The following RIN2 variants were observed in gnomAD, a reference collection of about 807,000 sequenced individuals.
RIN2 encodes Ras and Rab interactor 2, also known as RAB5 interacting protein 2.
RIN2 carries 36 observed loss-of-function variants against 78.0 expected under a neutral mutation model. The ratio of observed to expected loss-of-function variants is 0.46; its 90% CI spans 0.35 to 0.61. The LOEUF (loss-of-function observed/expected upper bound fraction) is 0.61, where lower values mean the gene tolerates loss of function less well. Among genes scored for constraint, RIN2 ranks in the 20% least tolerant of loss-of-function variants. The probability of loss-of-function intolerance (pLI) is 0.00; values close to 1 mark genes in which losing one functional copy is unlikely to be tolerated. For missense variants in RIN2, 1,087 were observed against 1,159.7 expected (o/e 0.94, Z 0.91); for synonymous variants, 466 against 466.8 (o/e 1.00, Z 0.02).
At chr20:19,962,668 T>G (rs2041802988) in intron 6 of RIN2, among the ~76,000 whole-genome samples, 1 of 152,210 alleles carries the variant, frequency 6.6e-6, no homozygotes, top group African/African-American at 2.4e-5. Context: ...CCTGTTTATC[T>G]TCTCTGTGAA....
chr20:19,927,119 C>G (rs2040256737), intron 3 of RIN2, among the ~76,000 whole-genome samples: 1 of 152,228 alleles, frequency 6.6e-6, no homozygotes. Flanking sequence ...TCTTTGTAGT[C>G]CCAGGTCTCT....
chr20:19,865,316 T>A (rs1424495801), intron 2 of RIN2, among the ~76,000 whole-genome samples: 1 of 152,092 alleles, frequency 6.6e-6, no homozygotes, highest in African/African-American at 2.4e-5. Flanking sequence ...TCTGAGGAGG[T>A]ACACTCAGGC....
chr20:19,895,284 G>A (rs1215210008), intron 3 of RIN2, among the ~76,000 whole-genome samples: 3 of 152,150 alleles, frequency 2.0e-5, no homozygotes, highest in Admixed American at 2.0e-4. Context: ...CTTTCCATTT[G>A]TCATCACGGC....
intron 2 of RIN2, among the ~76,000 whole-genome samples, chr20:19,822,788 G>T (rs1357331980): frequency 6.6e-6 from 1 of 151,878 alleles, no homozygotes; most frequent in African/African-American, 2.4e-5. Context: ...GCATTATTAT[G>T]GTTAATATTT....
At chr20:19,949,104 C>A (rs537477085) in intron 4 of RIN2, among the ~76,000 whole-genome samples, 3 of 152,210 alleles carry the variant, frequency 2.0e-5, no homozygotes, top group Non-Finnish European at 2.9e-5. Context: ...CGTGGTGAAA[C>A]CTCGTCTCTA....
intron 6 of RIN2, among the ~76,000 whole-genome samples, chr20:19,963,600 A>T (rs1252310610): frequency 7.1e-6 from 1 of 141,428 alleles, no homozygotes; most frequent in Admixed American, 7.4e-5. Context: ...CAACAGCGAA[A>T]CTCTGTCTCC....
intron 3 of RIN2, among the ~76,000 whole-genome samples, chr20:19,893,987 G>A (rs142599168): frequency 0.026 from 3,964 of 152,212 alleles, 104 homozygotes; most frequent in African/African-American, 0.061. Context: ...CAGGAGAATG[G>A]CTTGAACCCA....
chr20:19,976,213 G>A (rs889069809), intron 9 of RIN2, among the ~76,000 whole-genome samples: 6 of 152,172 alleles, frequency 3.9e-5, no homozygotes, highest in African/African-American at 1.4e-4. Flanking sequence ...TTGAGGTGTA[G>A]CATATGTTCA....
intron 5 of RIN2, among the ~76,000 whole-genome samples, chr20:19,957,604 G>A (rs767700186): frequency 6.6e-5 from 10 of 152,164 alleles, no homozygotes; most frequent in Non-Finnish European, 1.0e-4. Context: ...TTGAACACAG[G>A]AAGTGGAGGT....
chr20:19,953,088 A>G (rs1233615155), intron 4 of RIN2, among the ~76,000 whole-genome samples: 1 of 152,162 alleles, frequency 6.6e-6, no homozygotes, highest in Non-Finnish European at 1.5e-5. Context: ...ACAAATACTG[A>G]TCCAAAGTAG....
chr20:19,992,300 G>GT lies in RIN2; in HGVS notation c.2200+2dup. The GT allele has an allele frequency of 6.4e-7, 1 of 1,553,582 alleles. No homozygotes were observed. The highest frequency in any genetic ancestry group is 8.7e-7 in the Non-Finnish European group (1 of 1,148,530). On this transcript the variant is annotated splice_donor_variant, in intron 11 of 12. Transcript: ENST00000255006. LOFTEE classifies it high-confidence loss of function. ...GACCCATCGCTGTTACATGGAGAAG[G>GT]TAACTGCTTTTGAGAAAAGTTGAAG... is the stretch of plus-strand genomic sequence containing the variant.
intron 2 of RIN2, among the ~76,000 whole-genome samples, chr20:19,872,457 G>A (rs942061314): frequency 5.9e-5 from 9 of 152,142 alleles, no homozygotes; most frequent in Non-Finnish European, 1.0e-4. Context: ...ATGCATGTGC[G>A]ATTGTACCTC....
chr20:19,986,342 G>T (rs2042622545), intron 9 of RIN2, among the ~76,000 whole-genome samples: 1 of 151,820 alleles, frequency 6.6e-6, no homozygotes, highest in Non-Finnish European at 1.5e-5. Context: ...TGGGGAGGAG[G>T]AGTGGGATAA....
intron 1 of RIN2, among the ~76,000 whole-genome samples, chr20:19,765,504 C>T (rs557965254): frequency 3.2e-4 from 49 of 152,184 alleles, no homozygotes; most frequent in African/African-American, 1.1e-3. Flanking sequence ...TGTGTGTAGG[C>T]GCTCCTTTAG....
In RIN2 at chr20:19,956,672, C is replaced by T. The variant is rs373859630; in HGVS notation, c.216C>T (p.Ala72=). 9.3e-6 allele frequency: 15 copies of T among 1,613,226 alleles called. 1 individual carries two copies. The highest frequency in any genetic ancestry group is 6.7e-5 in the Admixed American group (4 of 59,910). The change falls in exon 5 of 13, where the codon GCC becomes GCT. Residue 72 remains alanine, a synonymous_variant. Transcript: ENST00000255006. ...YSEEEDVKTC[A]RDSGYDSLSN... Reference sequence around the variant, plus strand: ...AGGAAGAGGACGTGAAGACCTGTGCCCGGGACTCAGGCTATGACAGCCTCT... The same window carrying T: ...AGGAAGAGGACGTGAAGACCTGTGCTCGGGACTCAGGCTATGACAGCCTCT...
At chr20:19,994,679 C>T (rs1170528877) in intron 11 of RIN2, among the ~76,000 whole-genome samples, 1 of 152,128 alleles carries the variant, frequency 6.6e-6, no homozygotes, top group African/African-American at 2.4e-5. Flanking sequence ...TTGCTCAAAT[C>T]CTGACCCTCC....
chr20:19,810,462 A>T (rs969453841), intron 2 of RIN2, among the ~76,000 whole-genome samples: 1 of 151,944 alleles, frequency 6.6e-6, no homozygotes, highest in Non-Finnish European at 1.5e-5. Flanking sequence ...GGCCCCCAGG[A>T]GGGAGGTGGG....
chr20:19,938,385 A>ATTTTTTT (rs551225883), intron 4 of RIN2, among the ~76,000 whole-genome samples: 1 of 148,120 alleles, frequency 6.8e-6, no homozygotes, highest in African/African-American at 2.5e-5. Context: ...CACCCAGCTA[A>ATTTTTTT]TTTTTTTTTT....
Position 19,850,005 on chromosome 20 carries a change from A to G in RIN2, c.-36-39561A>G, listed in dbSNP as rs772419986. On this transcript the variant is annotated intron_variant, in intron 2 of 12. Coordinates refer to ENST00000255006, the MANE Select transcript of RIN2 (RefSeq NM_018993.4). ...CTATGTCTATTTTTGGTTTTATACA[A>G]GTGACTGTTCTCATTAAAGTAAATC... is the stretch of plus-strand genomic sequence containing the variant. Among the ~76,000 whole-genome samples, 8 of 152,112 alleles carry G rather than the reference A, an allele frequency of 5.3e-5. 1 individual carries two copies. The highest frequency in any genetic ancestry group is 1.0e-4 in the Non-Finnish European group (7 of 68,028).
Sources: allele counts gnomAD v4.1 joint callset (sites outside exome capture counted in the v4.1 genomes callset), GRCh38; gene constraint gnomAD v4.1.1; transcripts MANE v1.5; gene names NCBI Gene and HGNC (gene_info 2026-07-23, HGNC 2026-07-21).